The following CREB5 variants were observed in gnomAD, a reference collection of about 807,000 sequenced individuals.
The protein encoded by CREB5 is cAMP responsive element binding protein 5.
CREB5 carries 19 observed loss-of-function variants against 57.1 expected under a neutral mutation model. The ratio of observed to expected loss-of-function variants is 0.33; its 90% CI spans 0.23 to 0.49. The LOEUF (loss-of-function observed/expected upper bound fraction) is 0.49. Ranked by LOEUF, CREB5 falls within the 20% of genes least tolerant of loss-of-function variation. The pLI, the probability that CREB5 is intolerant of heterozygous loss-of-function variation, is 0.99. For missense variants in CREB5, 579 were observed against 671.6 expected, an observed-to-expected ratio of 0.86 and a Z score of 1.52; for synonymous variants, 238 against 238.3, an observed-to-expected ratio of 1.00 and a Z score of 0.01.
chr7:28,624,206 G>A (rs41291), intron 5 of CREB5, among the ~76,000 whole-genome samples: 87,445 of 151,870 alleles, frequency 0.58, 25,639 homozygotes, highest in South Asian at 0.7. Flanking sequence ...GACTCTGCAC[G>A]TCTAATTTGC....
chr7:28,500,259 C>A (rs1387792175), intron 3 of CREB5, among the ~76,000 whole-genome samples: 1 of 152,124 alleles, frequency 6.6e-6, no homozygotes, highest in Non-Finnish European at 1.5e-5. Context: ...TGGCAAGTGG[C>A]CAGCAGGAAG....
At chr7:28,352,755 G>A (rs554767474) in intron 1 of CREB5, among the ~76,000 whole-genome samples, 1 of 152,298 alleles carries the variant, frequency 6.6e-6, no homozygotes, top group East Asian at 1.9e-4. Context: ...AGGAATAGAT[G>A]TAGAGTAGGA....
chr7:28,411,983 G>C (rs1366570174), upstream of CREB5, among the ~76,000 whole-genome samples: 1 of 152,240 alleles, frequency 6.6e-6, no homozygotes, highest in African/African-American at 2.4e-5. Flanking sequence ...ATGGGCACTG[G>C]AAAGTGTGAT....
At chr7:28,423,785 C>T (rs755323495) in intron 1 of CREB5, among the ~76,000 whole-genome samples, 16 of 152,110 alleles carry the variant, frequency 1.1e-4, no homozygotes, top group Non-Finnish European at 1.0e-4. Context: ...TATTGGGTTC[C>T]GTGGCAGTAC....
chr7:28,438,768 T>A (rs1398865142), intron 1 of CREB5, among the ~76,000 whole-genome samples: 1 of 152,216 alleles, frequency 6.6e-6, no homozygotes, highest in African/African-American at 2.4e-5. Context: ...GGGGAGCAAC[T>A]GGATTTAGCA....
intron 1 of CREB5, among the ~76,000 whole-genome samples, chr7:28,330,266 A>C (rs1239825511): frequency 6.6e-6 from 1 of 152,210 alleles, no homozygotes; most frequent in Non-Finnish European, 1.5e-5. Context: ...TCAAATTTAT[A>C]GATCCTTTGA....
chr7:28,692,975 T>A (rs148907494), intron 5 of CREB5, among the ~76,000 whole-genome samples: 2 of 152,364 alleles, frequency 1.3e-5, no homozygotes, highest in African/African-American at 4.8e-5. Context: ...AGAACTCATT[T>A]AATGATTGAT....
chr7:28,340,186 CT>C (rs1785907951), intron 1 of CREB5, among the ~76,000 whole-genome samples: 1 of 152,272 alleles, frequency 6.6e-6, no homozygotes, highest in African/African-American at 2.4e-5. Flanking sequence ...ACACTTTACC[CT>C]GCTTTTCTCA....
intron 5 of CREB5, among the ~76,000 whole-genome samples, chr7:28,585,698 CAATAAAGCCCCACCACCAG>C (rs1397321225): frequency 1.3e-5 from 2 of 151,962 alleles, no homozygotes; most frequent in African/African-American, 4.8e-5. Context: ...CCGAGAAATC[CAATAAAGCCCCACCACCAG>C]AATTGTTCTG....
At chr7:28,469,810 A>C (rs1425823956) in intron 1 of CREB5, among the ~76,000 whole-genome samples, 1 of 152,216 alleles carries the variant, frequency 6.6e-6, no homozygotes, top group East Asian at 1.9e-4. Context: ...AAGGAAATGG[A>C]GGCACAGAGA....
chr7:28,450,719 T>C (rs1213776565), intron 1 of CREB5, among the ~76,000 whole-genome samples: 1 of 152,234 alleles, frequency 6.6e-6, no homozygotes, highest in African/African-American at 2.4e-5. Context: ...AGATAAGCAC[T>C]GGCTTTCCAG....
chr7:28,372,446 G>C (rs989456300), intron 1 of CREB5, among the ~76,000 whole-genome samples: 9 of 152,130 alleles, frequency 5.9e-5, no homozygotes, highest in Non-Finnish European at 2.9e-5. Context: ...TGTTAGCCTG[G>C]TAAAAAGCAA....
rs140678347 is a variant in CREB5 at position 28,336,433 on chromosome 7, T to C, written c.-25+36992T>C. On this transcript the variant is annotated intron_variant, in intron 1 of 9. Transcript: ENST00000396299. ...CATGGTTCAATCTTGGTAGGTTGTA[T>C]GTGTGTAGTAATTTATCCATTTCTT... Among the ~76,000 whole-genome samples the C allele has an allele frequency of 7.4e-3, 1,119 of 152,162 alleles. 7 individuals are homozygous for C. The highest frequency in any genetic ancestry group is 0.026 in the African/African-American group (1,078 of 41,540).
intron 1 of CREB5, among the ~76,000 whole-genome samples, chr7:28,383,995 T>C (rs188079444): frequency 2.0e-5 from 3 of 152,344 alleles, no homozygotes; most frequent in Admixed American, 2.0e-4. Flanking sequence ...TTATTTTATC[T>C]GCTACCAATG....
At chr7:28,771,411 C>G (rs1049332693) in intron 7 of CREB5, among the ~76,000 whole-genome samples, 1 of 152,158 alleles carries the variant, frequency 6.6e-6, no homozygotes, top group South Asian at 2.1e-4. Context: ...TGGTTGTCCT[C>G]TGGATGCTGC....
intron 1 of CREB5, among the ~76,000 whole-genome samples, chr7:28,440,305 T>C (rs1193018330): frequency 1.3e-5 from 2 of 152,192 alleles, no homozygotes; most frequent in African/African-American, 4.8e-5. Flanking sequence ...AGTCAGCGTT[T>C]TCCTGACGAG....
At chr7:28,687,422 C>T (rs974136566) in intron 5 of CREB5, among the ~76,000 whole-genome samples, 10 of 151,226 alleles carry the variant, frequency 6.6e-5, no homozygotes, top group Admixed American at 5.3e-4. Context: ...TTAAGGATCT[C>T]GTGTACTCAG....
intron 5 of CREB5, among the ~76,000 whole-genome samples, chr7:28,597,208 T>A (rs1187369722): frequency 1.3e-5 from 2 of 152,144 alleles, no homozygotes; most frequent in Non-Finnish European, 2.9e-5. Flanking sequence ...AAGAGTTGGA[T>A]AAAAATGTGA....
At position 28,304,681 on chromosome 7, in the gene CREB5, G is replaced by C. The variant is rs184936518; in HGVS notation, c.-25+5240G>C. On this transcript the variant is annotated intron_variant, in intron 1 of 9. Transcript: ENST00000396299. ...GAAGCCACATAAATATCCAATAATT[G>C]TGGACTAGTAGATAAATTATAGTAC... Among the ~76,000 whole-genome samples, 42 of 152,258 alleles carry C rather than the reference G, an allele frequency of 2.8e-4. No individual in the cohort carries two copies. In the East Asian group the frequency reaches 6.6e-3, roughly 24 times the overall value.
Sources: gnomAD v4.1 joint callset for allele counts (sites outside exome capture counted in the v4.1 genomes callset) on GRCh38, gnomAD v4.1.1 for gene constraint, MANE v1.5 for transcripts, NCBI Gene and HGNC (gene_info 2026-07-23, HGNC 2026-07-21) for gene names.